The following SMO variants were observed in gnomAD, a reference collection of about 807,000 sequenced individuals.
SMO encodes smoothened, frizzled class receptor.
Under a neutral mutation model 81.6 loss-of-function variants are expected in SMO, and 40 were observed. That is an observed-to-expected ratio of 0.49 (90% CI 0.38 to 0.64). The LOEUF (loss-of-function observed/expected upper bound fraction) is 0.64, where lower values mean the gene tolerates loss of function less well. SMO is among the 30% of genes least tolerant of loss of function. SMO has a pLI of 0.00. For synonymous variants in SMO, 434 were observed against 432.1 expected (o/e 1.00, Z -0.05); for missense variants, 916 against 1,061.1 (o/e 0.86, Z 1.90).
chr7:129,203,197 A>G (rs993943729), intron 1 of SMO, among the ~76,000 whole-genome samples, 187 bp from the exon 2 acceptor site: 2 of 152,302 alleles, frequency 1.3e-5, no homozygotes, highest in African/African-American at 2.4e-5. Flanking sequence ...AGTGTCTGCA[A>G]TGCATGGGAC....
rs1157794197 is a variant in SMO at position 129,205,313 on chromosome 7, G to A, written c.648G>A (p.Gln216=). Residue 216 remains glutamine (Q), a synonymous_variant, in exon 3 of 12, where the codon CAG becomes CAA. Transcript: ENST00000249373. ...WYEDVEGCGI[Q]CQNPLFTEAE... Reference sequence around the variant, plus strand: ...AGGACGTGGAGGGCTGCGGCATCCAGTGCCAGAACCCGCTCTTCACAGAGG... The same window carrying A: ...AGGACGTGGAGGGCTGCGGCATCCAATGCCAGAACCCGCTCTTCACAGAGG... 2.5e-6 allele frequency: 4 copies of A among 1,614,230 alleles called. No homozygotes were observed. The South Asian group carries it at 3.3e-5, about 13-fold the overall frequency.
At chr7:129,196,225 T>A (rs1274394295) in intron 1 of SMO, among the ~76,000 whole-genome samples, 1 of 152,092 alleles carries the variant, frequency 6.6e-6, no homozygotes, top group African/African-American at 2.4e-5. Context: ...CCATTGAAAT[T>A]CATGGACCTC....
rs56346729 is a variant in SMO, at chr7:129,212,164, C to T, written c.2077C>T (p.Pro693Ser). ...CPLAPPPELH[P>S]PAPAPSTIPR... ...GCTGGCGCCGCCCCCTGAGCTTCAC[C>T]CCCCTGCCCCTGCCCCCAGTACCAT... is the stretch of plus-strand genomic sequence containing the variant. The change falls in exon 12 of 12, where the codon CCC becomes TCC. Residue 693 changes from proline (P) to serine (S), a missense_variant. This residue lies in a region of SMO where 324 missense variants were observed against 312.9 expected (regional missense o/e 1.04). Coordinates refer to ENST00000249373, the MANE Select transcript of SMO (RefSeq NM_005631.5). This position sits in a 1 kb window ranked among gnomAD's most constrained non-coding sequence, Gnocchi z 5.0. The T allele has an allele frequency of 2.9e-5, 45 of 1,555,614 alleles. 1 individual carries two copies. In the East Asian group the frequency reaches 9.2e-4, roughly 32 times the overall value.
intron 1 of SMO, among the ~76,000 whole-genome samples, chr7:129,191,411 A>G (rs1465917135): frequency 6.6e-6 from 1 of 152,230 alleles, no homozygotes; most frequent in Admixed American, 6.5e-5. Context: ...AGATGCCAGC[A>G]CTGAGCCCAG....
chr7:129,196,884 G>T (rs962850756), intron 1 of SMO, among the ~76,000 whole-genome samples: 1 of 151,940 alleles, frequency 6.6e-6, no homozygotes. Context: ...GGGCATGGTG[G>T]CGGGCGCCTG....
In SMO at chr7:129,190,303, A is replaced by T. The variant is rs1380671606; in HGVS notation, c.331+821A>T. ...CAAAGCCCCCTCACTGGAGTGGCAG[A>T]GTCTGAAAAACTGCACACTGAACCC... On this transcript the variant is annotated intron_variant, in intron 1 of 11. Coordinates refer to ENST00000249373, the MANE Select transcript of SMO (RefSeq NM_005631.5). 4.6e-5 allele frequency among the ~76,000 whole-genome samples: 7 copies of T among 152,184 alleles called. No individual in the cohort carries two copies. The South Asian group carries it at 1.5e-3, about 32-fold the overall frequency.
Position 129,189,582 on chromosome 7 carries a change from G to A in SMO, c.331+100G>A. On this transcript the variant is annotated intron_variant, in intron 1 of 11. Transcript: ENST00000249373. This position sits in a 1 kb window ranked among gnomAD's most constrained non-coding sequence, Gnocchi z 4.7. The stretch of plus-strand genomic sequence containing the variant: ...CTCAGGCCTGAGTTTTGGAGAGGGC[G>A]GGGACAGCACCCGGGAGAGTTGGAG... 7.6e-7 allele frequency: 1 copy of A among 1,311,852 alleles called. No homozygotes were observed. The highest frequency in any genetic ancestry group is 1.4e-5 in the South Asian group (1 of 74,030). 81.3% of individuals were successfully genotyped at this position (1,311,852 alleles called of 1,614,324 possible).
chr7:129,202,711 C>T (rs1466173623), intron 1 of SMO, among the ~76,000 whole-genome samples: 1 of 152,122 alleles, frequency 6.6e-6, no homozygotes, highest in East Asian at 1.9e-4. Context: ...TCTTAAGCCC[C>T]CATCTCTTCT....
intron 1 of SMO, among the ~76,000 whole-genome samples, chr7:129,195,039 T>A (rs1793549110): frequency 1.3e-5 from 2 of 152,226 alleles, no homozygotes; most frequent in Admixed American, 6.5e-5. Flanking sequence ...CGCCTCATAC[T>A]GCAGCTTATT....
rs2150654169 is a variant in SMO, at chr7:129,210,610, C to G, written c.1652+62C>G. The G allele has an allele frequency of 2.9e-6, 4 of 1,397,432 alleles. No individual in the cohort carries two copies. In the South Asian group the frequency reaches 4.7e-5, roughly 16 times the overall value. The allele number at this position is 1,397,432 out of a possible 1,614,324, so 86.6% of individuals were successfully genotyped here. A position where few individuals can be genotyped will look rare whatever the true frequency, so the allele number is the denominator to read the frequency against. ...CTCACCCTCAGCCTTGGGACCCCAT[C>G]TTTAGGTTTTGTCGGGTCCTGCCTC... is the stretch of plus-strand genomic sequence containing the variant. On this transcript the variant is annotated intron_variant, in intron 9 of 11. Transcript: ENST00000249373. This position sits in a 1 kb window ranked among gnomAD's most constrained non-coding sequence, Gnocchi z 4.7.
Position 129,206,612 on chromosome 7 carries a change from A to AAAAT in SMO, c.1264+25_1264+26insAAAT. 2 of 1,612,242 alleles carry AAAAT rather than the reference A, an allele frequency of 1.2e-6. No individual in the cohort carries two copies. Among genetic ancestry groups the AAAAT allele is most frequent in the Non-Finnish European group, 1.7e-6 (2 of 1,178,862 alleles). On this transcript the variant is annotated intron_variant, in intron 6 of 11. Transcript: ENST00000249373. The surrounding 1 kb of genome is among the most constrained non-coding windows in gnomAD (Gnocchi z 4.4). The stretch of plus-strand genomic sequence containing the variant: ...GGTGAGTGAAGACCAGGCCAGGACC[A>AAAAT]GTTGGGCAACAAAATATACTGGGCA...
chr7:129,212,145 G>A lies in SMO; in HGVS notation c.2058G>A (p.Ala686=), dbSNP rs751203355. The change falls in exon 12 of 12, where the codon GCG becomes GCA. Residue 686 remains alanine (A), a synonymous_variant. Coordinates refer to ENST00000249373, the MANE Select transcript of SMO (RefSeq NM_005631.5). This position sits in a 1 kb window ranked among gnomAD's most constrained non-coding sequence, Gnocchi z 5.0. The part of the protein sequence containing the change: ...RKRKKEVCPL[A]PPPELHPPAP... ...GGAAGAAGGAGGTGTGCCCGCTGGC[G>A]CCGCCCCCTGAGCTTCACCCCCCTG... 57 of 1,556,864 alleles carry A rather than the reference G, an allele frequency of 3.7e-5. 1 individual carries two copies. Among genetic ancestry groups the A allele is most frequent in the South Asian group, 3.4e-4 (29 of 84,902 alleles).
chr7:129,192,425 G>A (rs1351467283), intron 1 of SMO, among the ~76,000 whole-genome samples: 1 of 152,190 alleles, frequency 6.6e-6, no homozygotes, highest in Non-Finnish European at 1.5e-5. Flanking sequence ...GGGATGATAA[G>A]GAGCCATTGA....
At chr7:129,191,946 C>T (rs973205921) in intron 1 of SMO, among the ~76,000 whole-genome samples, 15 of 152,012 alleles carry the variant, frequency 9.9e-5, no homozygotes. Flanking sequence ...ACAGGCTGGA[C>T]ATGGTGCTCA....
At position 129,211,806 on chromosome 7, in the gene SMO, G is replaced by A. The variant is rs1429742342; in HGVS notation, c.1936+36G>A. On this transcript the variant is annotated intron_variant, in intron 11 of 11. Transcript: ENST00000249373. The surrounding 1 kb of genome is among the most constrained non-coding windows in gnomAD (Gnocchi z 4.6). ...TCAAGCTTCTGGAGGAAGGTGGGGG[G>A]AGCACAGAGGCTGGGGGCTTCTGGG... The A allele has an allele frequency of 6.2e-7, 1 of 1,613,096 alleles. No individual in the cohort carries two copies. The highest frequency in any genetic ancestry group is 8.5e-7 in the Non-Finnish European group (1 of 1,179,316).
At chr7:129,205,439 G>C (rs754360292) in intron 3 of SMO, 27 bp downstream of exon 3, 1 of 1,595,164 alleles carries the variant, frequency 6.3e-7, no homozygotes, top group East Asian at 2.3e-5. Flanking sequence ...CAGGCCCGGG[G>C]GGCCCTCAGC....
At chr7:129,198,765 T>C (rs1048132252) in intron 1 of SMO, among the ~76,000 whole-genome samples, 3 of 152,212 alleles carry the variant, frequency 2.0e-5, no homozygotes, top group African/African-American at 7.2e-5. Context: ...CTGTATCAGC[T>C]AGGTGTGCAG....
chr7:129,206,694 T>C lies in SMO; in HGVS notation c.1264+107T>C. On this transcript the variant is annotated intron_variant, in intron 6 of 11. Coordinates refer to ENST00000249373, the MANE Select transcript of SMO (RefSeq NM_005631.5). The surrounding 1 kb of genome is among the most constrained non-coding windows in gnomAD (Gnocchi z 4.4). ...GCTGCCCCCATGCTGAAACCCCAGC[T>C]AGCTCCTATAGGGCCTTCACACAGT... 1.7e-6 allele frequency: 2 copies of C among 1,179,060 alleles called. No homozygotes were observed. Among genetic ancestry groups the C allele is most frequent in the Non-Finnish European group, 2.4e-6 (2 of 838,612 alleles). The allele number at this position is 1,179,060 out of a possible 1,614,324, so 73.0% of individuals were successfully genotyped here. A position where few individuals can be genotyped will look rare whatever the true frequency, so the allele number is the denominator to read the frequency against.
Position 129,189,499 on chromosome 7 carries a change from C to T in SMO, c.331+17C>T, listed in dbSNP as rs1349207247. 4.6e-6 allele frequency: 7 copies of T among 1,535,046 alleles called. No homozygotes were observed. Among genetic ancestry groups the T allele is most frequent in the Non-Finnish European group, 6.1e-6 (7 of 1,146,534 alleles). ...TCTGGTCGGGTAAGTGCGGCGGAGC[C>T]GGGTCTGGGGGGCGGGAGGTGCCGC... is the stretch of plus-strand genomic sequence containing the variant. On this transcript the variant is annotated intron_variant, in intron 1 of 11. Coordinates refer to ENST00000249373, the MANE Select transcript of SMO (RefSeq NM_005631.5). The surrounding 1 kb of genome is among the most constrained non-coding windows in gnomAD (Gnocchi z 4.7).
Sources: allele counts gnomAD v4.1 joint callset (sites outside exome capture counted in the v4.1 genomes callset), GRCh38; gene constraint gnomAD v4.1.1; regional missense constraint gnomAD v4.1.1; non-coding constraint Gnocchi (gnomAD v3.1); transcripts MANE v1.5; gene names NCBI Gene and HGNC (gene_info 2026-07-23, HGNC 2026-07-21).